Variants in JAM3 observed in about 807,000 individuals in gnomAD.
JAM3 encodes junctional adhesion molecule 3.
Under a neutral mutation model 39.4 loss-of-function variants are expected in JAM3, and 31 were observed. The observed-to-expected ratio is 0.79, with a 90% CI of 0.59 to 1.06. JAM3 has a LOEUF of 1.06. Ranked by LOEUF, JAM3 falls within the 50% of genes least tolerant of loss-of-function variation. JAM3 has a pLI of 0.00. For synonymous variants in JAM3, 182 were observed against 148.7 expected (o/e 1.22, Z -1.63); for missense variants, 455 against 391.4 (o/e 1.16, Z -1.37).
At chr11:134,091,828 G>C (rs1323003947) in intron 1 of JAM3, among the ~76,000 whole-genome samples, 3 of 127,752 alleles carry the variant, frequency 2.3e-5, no homozygotes, top group Non-Finnish European at 4.7e-5. Context: ...CTGTGTTTGG[G>C]GGTGTGGGTT....
intron 1 of JAM3, among the ~76,000 whole-genome samples, chr11:134,131,911 G>A (rs1354914234): frequency 6.6e-6 from 1 of 151,252 alleles, no homozygotes; most frequent in East Asian, 1.9e-4. Context: ...AAAAGAAAAA[G>A]GAAGGAAGAA....
intron 1 of JAM3, among the ~76,000 whole-genome samples, chr11:134,138,466 T>C (rs1390661103): frequency 6.7e-6 from 1 of 149,466 alleles, no homozygotes; most frequent in Non-Finnish European, 1.5e-5. Context: ...AGTGGTGGTG[T>C]CTCGTCGAAG....
Position 134,149,780 on chromosome 11 carries a change from T to C in JAM3, c.*599T>C, listed in dbSNP as rs11223715. 0.085 allele frequency: 36,161 copies of C among 424,862 alleles called. 1,823 individuals are homozygous for C. Among genetic ancestry groups the C allele is most frequent in the African/African-American group, 0.13 (6,267 of 49,268 alleles). 26.3% of individuals were successfully genotyped at this position (424,862 alleles called of 1,614,324 possible). A position where few individuals can be genotyped will look rare whatever the true frequency, so the allele number is the denominator to read the frequency against. On this transcript the variant is annotated 3_prime_UTR_variant, in exon 9 of 9. Coordinates refer to ENST00000299106, the MANE Select transcript of JAM3 (RefSeq NM_032801.5). The stretch of plus-strand genomic sequence containing the variant: ...AACAACCAAAATCAGGAAGGTAAAT[T>C]GGTTGCTGGAAGAGGGATCTTGCCT...
At chr11:134,124,664 T>C (rs886625796) in intron 1 of JAM3, among the ~76,000 whole-genome samples, 7 of 151,752 alleles carry the variant, frequency 4.6e-5, no homozygotes, top group African/African-American at 1.7e-4. Flanking sequence ...GCTTTCCACT[T>C]GTTTCCTTGA....
chr11:134,098,320 A>T (rs1288748749), intron 1 of JAM3, among the ~76,000 whole-genome samples: 4 of 152,242 alleles, frequency 2.6e-5, no homozygotes, highest in Admixed American at 6.5e-5. Flanking sequence ...AAATTAACTG[A>T]AATCTTCTGT....
chr11:134,138,973 A>G (rs1942923960), intron 1 of JAM3, among the ~76,000 whole-genome samples: 2 of 152,236 alleles, frequency 1.3e-5, no homozygotes, highest in South Asian at 2.1e-4. Context: ...TTTAGCGGTT[A>G]TCATAAGCCA....
rs1942590795 is a variant in JAM3, at chr11:134,124,075, A to G, written c.77-15776A>G. 3.4e-6 allele frequency: 5 copies of G among 1,486,604 alleles called. No individual in the cohort carries two copies. In the East Asian group the frequency reaches 1.1e-4, roughly 34 times the overall value. The allele number at this position is 1,486,604 out of a possible 1,614,324, so 92.1% of individuals were successfully genotyped here. A position where few individuals can be genotyped will look rare whatever the true frequency, so the allele number is the denominator to read the frequency against. On this transcript the variant is annotated intron_variant, in intron 1 of 8. Transcript: ENST00000299106. ...GGCTCTTCACAGAATTTGGTTTATA[A>G]CAGGTTTAACCAATCATCTACTATC... is the stretch of plus-strand genomic sequence containing the variant.
At chr11:134,121,008 C>G (rs542240594) in intron 1 of JAM3, among the ~76,000 whole-genome samples, 1 of 151,720 alleles carries the variant, frequency 6.6e-6, no homozygotes, top group Non-Finnish European at 1.5e-5. Context: ...TTCTGTGCAC[C>G]AACCGCAGAT....
chr11:134,077,129 C>G (rs1028955385), intron 1 of JAM3, among the ~76,000 whole-genome samples: 1 of 151,922 alleles, frequency 6.6e-6, no homozygotes, highest in African/African-American at 2.4e-5. Context: ...GGCACTGCAC[C>G]CGGCCTGTTT....
chr11:134,071,103 TG>T (rs1464431256), intron 1 of JAM3, among the ~76,000 whole-genome samples: 2 of 152,232 alleles, frequency 1.3e-5, no homozygotes. Flanking sequence ...TATTCTCAAT[TG>T]CTATTACTAT....
chr11:134,099,186 G>T (rs1184226180), intron 1 of JAM3, among the ~76,000 whole-genome samples: 1 of 152,042 alleles, frequency 6.6e-6, no homozygotes, highest in Non-Finnish European at 1.5e-5. Context: ...CAGTGACAGG[G>T]TGAGACCCTA....
intron 1 of JAM3, among the ~76,000 whole-genome samples, chr11:134,094,936 TGAG>T (rs1328744372): frequency 1.3e-5 from 2 of 152,232 alleles, no homozygotes; most frequent in African/African-American, 2.4e-5. Context: ...TATTAATAAA[TGAG>T]GAAATAGGCA....
intron 1 of JAM3, among the ~76,000 whole-genome samples, chr11:134,123,242 T>C (rs1018790081): frequency 1.1e-4 from 17 of 152,192 alleles, no homozygotes; most frequent in African/African-American, 3.9e-4. Context: ...TATTTAAAAG[T>C]GCCCAGGTGG....
At chr11:134,078,296 T>G (rs555231376) in intron 1 of JAM3, among the ~76,000 whole-genome samples, 16 of 152,046 alleles carry the variant, frequency 1.1e-4, no homozygotes, top group Admixed American at 8.5e-4. Flanking sequence ...ATTTTTGTAT[T>G]TTTAGTAGAG....
intron 1 of JAM3, among the ~76,000 whole-genome samples, chr11:134,100,604 A>G (rs1248576787): frequency 6.6e-6 from 1 of 152,146 alleles, no homozygotes; most frequent in Non-Finnish European, 1.5e-5. Flanking sequence ...CACCACTGAA[A>G]TCTCAGCACC....
At chr11:134,130,855 T>C (rs1262140146) in intron 1 of JAM3, among the ~76,000 whole-genome samples, 1 of 152,174 alleles carries the variant, frequency 6.6e-6, no homozygotes, top group Middle Eastern at 3.2e-3. Context: ...AAGGTGCTTG[T>C]CTCTGTCTTG....
chr11:134,087,791 G>A (rs1034675931), intron 1 of JAM3, among the ~76,000 whole-genome samples: 1 of 152,064 alleles, frequency 6.6e-6, no homozygotes, highest in African/African-American at 2.4e-5. Context: ...CTCTTAATTC[G>A]CATGGACATA....
At chr11:134,148,191 G>A (rs1943113897) in intron 6 of JAM3, 1 of 278,594 alleles carries the variant, frequency 3.6e-6, no homozygotes, top group Non-Finnish European at 6.8e-6. Flanking sequence ...TTTTCTTCTT[G>A]GGATCCTGGC....
At chr11:134,144,672 A>G in intron 4 of JAM3, 120 bp from the exon 5 acceptor site, 1 of 946,922 alleles carries the variant, frequency 1.1e-6, no homozygotes, top group South Asian at 1.3e-5. Context: ...TCCTGGGAAC[A>G]GCAGTGGCGT....
Sources: gnomAD v4.1 joint callset for allele counts (sites outside exome capture counted in the v4.1 genomes callset) on GRCh38, gnomAD v4.1.1 for gene constraint, MANE v1.5 for transcripts, NCBI Gene and HGNC (gene_info 2026-07-23, HGNC 2026-07-21) for gene names.